BCL2L2: variants seen among roughly 807,000 people sequenced by gnomAD.
BCL2L2 encodes the protein bcl-2-like protein 2.
In BCL2L2, 6 loss-of-function variants were observed where a neutral mutation model predicts 14.6. The ratio of observed to expected loss-of-function variants is 0.41; its 90% confidence interval spans 0.22 to 0.81. BCL2L2 has a LOEUF of 0.81. Among genes scored for constraint, BCL2L2 ranks in the 30% least tolerant of loss-of-function variants. The pLI, the probability that BCL2L2 is intolerant of heterozygous loss-of-function variation, is 0.32. For missense variants in BCL2L2, 191 were observed against 260.5 expected, an observed-to-expected ratio of 0.73 and a Z score of 1.84; for synonymous variants, 90 against 108.5, an observed-to-expected ratio of 0.83 and a Z score of 1.06.
chr14:23,307,077 G>A (rs948351144), intron 1 of BCL2L2, 115 bp from the exon 2 acceptor site: 5 of 152,726 alleles, frequency 3.3e-5, no homozygotes, highest in Admixed American at 1.3e-4. Flanking sequence ...CACACAGCTG[G>A]TAGAGCGTTG....
chr14:23,308,320 T>C lies in BCL2L2; in HGVS notation c.432+121T>C. The C allele has an allele frequency of 7.4e-7, 1 of 1,343,988 alleles. No individual in the cohort carries two copies. The highest frequency in any genetic ancestry group is 1.5e-5 in the South Asian group (1 of 65,500). The allele number at this position is 1,343,988 out of a possible 1,614,324, so 83.3% of individuals were successfully genotyped here. A position where few individuals can be genotyped will look rare whatever the true frequency, so the allele number is the denominator to read the frequency against. ...GTTGGGAATGAGGTACGGGGCTGAG[T>C]CTCCCCGTCTGGATGGAATTAGATT... On this transcript the variant is annotated intron_variant, in intron 3 of 3. Coordinates refer to ENST00000250405, the MANE Select transcript of BCL2L2 (RefSeq NM_004050.5). This position sits in a 1 kb window ranked among gnomAD's most constrained non-coding sequence, Gnocchi z 5.4.
chr14:23,308,166 G>A lies in BCL2L2; in HGVS notation c.399G>A (p.Gln133=). ...QEWMVAYLET[Q]LADWIHSSGG... ...GGATGGTGGCCTACCTGGAGACGCA[G>A]CTGGCTGACTGGATCCACAGCAGTG... The change falls in exon 3 of 4, where the codon CAG becomes CAA. Residue 133 remains glutamine, a synonymous_variant. Coordinates refer to ENST00000250405, the MANE Select transcript of BCL2L2 (RefSeq NM_004050.5). This position sits in a 1 kb window ranked among gnomAD's most constrained non-coding sequence, Gnocchi z 5.4. The A allele has an allele frequency of 6.2e-7, 1 of 1,612,864 alleles. No individual in the cohort carries two copies. Among genetic ancestry groups the A allele is most frequent in the Non-Finnish European group, 8.5e-7 (1 of 1,179,668 alleles).
At chr14:23,307,660 C>T (rs1298215977) in intron 2 of BCL2L2, 100 bp from the exon 3 acceptor site, 7 of 1,452,936 alleles carry the variant, frequency 4.8e-6, no homozygotes, top group East Asian at 2.3e-5. Context: ...TGAGCATTTC[C>T]TCTCTCCTCC....
Position 23,308,185 on chromosome 14 carries a change from A to G in BCL2L2, c.418A>G (p.Ser140Gly), listed in dbSNP as rs562595128. ...LETQLADWIH[S>G]SGGWAEFTAL... ...GACGCAGCTGGCTGACTGGATCCAC[A>G]GCAGTGGGGGCTGGGTAAGAAGCTT... The change falls in exon 3 of 4, where the codon AGC becomes GGC. Residue 140 changes from serine to glycine, a missense_variant. By Grantham distance (56) the Ser-to-Gly change is moderately conservative. Transcript: ENST00000250405. This position sits in a 1 kb window ranked among gnomAD's most constrained non-coding sequence, Gnocchi z 5.4. 2.5e-6 allele frequency: 4 copies of G among 1,611,752 alleles called. No homozygotes were observed. In the African/African-American group the frequency reaches 5.3e-5, roughly 21 times the overall value.
In BCL2L2 at chr14:23,307,929, G is replaced by A; in HGVS notation, c.162G>A (p.Glu54=). 6.2e-7 allele frequency: 1 copy of A among 1,613,894 alleles called. No homozygotes were observed. Among genetic ancestry groups the A allele is most frequent in the East Asian group, 2.2e-5 (1 of 44,884 alleles). The change falls in exon 3 of 4, where the codon GAG becomes GAA. Residue 54 remains glutamate (E), a synonymous_variant. Coordinates refer to ENST00000250405, the MANE Select transcript of BCL2L2 (RefSeq NM_004050.5). ...TGCGGGCAGCTGGAGATGAGTTCGA[G>A]ACCCGCTTCCGGCGCACCTTCTCTG... ...QAMRAAGDEF[E]TRFRRTFSDL...
At position 23,308,662 on chromosome 14, in the gene BCL2L2, G is replaced by A. The variant is rs1316122189; in HGVS notation, c.433-154G>A. ...GCACCTGGGGGGATCAGAGGGGCTT[G>A]CAGGGAGAAGAGCTTTGGCCAGAGA... On this transcript the variant is annotated intron_variant, in intron 3 of 3. Transcript: ENST00000250405. The surrounding 1 kb of genome is among the most constrained non-coding windows in gnomAD (Gnocchi z 5.4). 5.9e-5 allele frequency among the ~76,000 whole-genome samples: 9 copies of A among 152,154 alleles called. No individual in the cohort carries two copies. Among genetic ancestry groups the A allele is most frequent in the Non-Finnish European group, 1.3e-4 (9 of 68,024 alleles).
Position 23,309,426 on chromosome 14 carries a change from C to CACGCGT in BCL2L2, c.*462_*467dup, listed in dbSNP as rs1302142626. 2 of 990,196 alleles carry CACGCGT rather than the reference C, an allele frequency of 2.0e-6. No homozygotes were observed. The highest frequency in any genetic ancestry group is 3.5e-5 in the African/African-American group (2 of 57,426). 61.3% of individuals were successfully genotyped at this position (990,196 alleles called of 1,614,324 possible). A position where few individuals can be genotyped will look rare whatever the true frequency, so the allele number is the denominator to read the frequency against. On this transcript the variant is annotated 3_prime_UTR_variant, in exon 4 of 4. Transcript: ENST00000250405. ...GGCTGTTAACAGTGGGCTGCTTGGA[C>CACGCGT]ACGCGTGTGCATGTGCACGCATGCT...
At position 23,307,834 on chromosome 14, in the gene BCL2L2, A is replaced by G; in HGVS notation, c.67A>G (p.Arg23Gly). The G allele has an allele frequency of 6.3e-7, 1 of 1,591,612 alleles. No individual in the cohort carries two copies. The highest frequency in any genetic ancestry group is 8.5e-7 in the Non-Finnish European group (1 of 1,169,938). The change falls in exon 3 of 4, where the codon AGG becomes GGG. Residue 23 changes from arginine (R) to glycine (G), a missense_variant. By Grantham distance (125) the Arg-to-Gly change is moderately radical. Coordinates refer to ENST00000250405, the MANE Select transcript of BCL2L2 (RefSeq NM_004050.5). The stretch of plus-strand genomic sequence containing the variant: ...GGCAGACTTTGTAGGTTATAAGCTG[A>G]GGCAGAAGGGTTATGTCTGTGGAGC... ...LVADFVGYKL[R>G]QKGYVCGAGP...
At position 23,309,311 on chromosome 14, in the gene BCL2L2, T is replaced by G; in HGVS notation, c.*346T>G. The G allele has an allele frequency of 9.3e-7, 1 of 1,079,690 alleles. No individual in the cohort carries two copies. Among genetic ancestry groups the G allele is most frequent in the Non-Finnish European group, 1.1e-6 (1 of 890,976 alleles). 66.9% of individuals were successfully genotyped at this position (1,079,690 alleles called of 1,614,324 possible). ...GAAGGTGGACTTACATAAGCAGCTG[T>G]ATTCCATTAGATGAGTGGGATTTAG... On this transcript the variant is annotated 3_prime_UTR_variant, in exon 4 of 4. Transcript: ENST00000250405.
In BCL2L2 at chr14:23,308,152, T is replaced by C; in HGVS notation, c.385T>C (p.Tyr129His). 6.2e-7 allele frequency: 1 copy of C among 1,613,570 alleles called. No individual in the cohort carries two copies. The change falls in exon 3 of 4, where the codon TAC becomes CAC. Residue 129 changes from tyrosine (Y) to histidine (H), a missense_variant. Physicochemically the swap from Tyr to His is moderately conservative, Grantham distance 83 (BLOSUM62 2). Coordinates refer to ENST00000250405, the MANE Select transcript of BCL2L2 (RefSeq NM_004050.5). The surrounding 1 kb of genome is among the most constrained non-coding windows in gnomAD (Gnocchi z 5.4). ...ACAAGTGCAGGAGTGGATGGTGGCC[T>C]ACCTGGAGACGCAGCTGGCTGACTG... The part of the protein sequence containing the change: ...VGQVQEWMVA[Y>H]LETQLADWIH...
rs1887504769 is a variant in BCL2L2 at position 23,309,903 on chromosome 14, C to T, written c.*938C>T. ...GGACCTCTGTACCCAAACTGAAACTCTAAATTGGGGCCCTAACTAATTTTC... is the reference window on the plus strand; with the variant it reads ...GGACCTCTGTACCCAAACTGAAACTTTAAATTGGGGCCCTAACTAATTTTC... On this transcript the variant is annotated 3_prime_UTR_variant, in exon 4 of 4. Transcript: ENST00000250405. The T allele has an allele frequency of 3.0e-6, 3 of 985,462 alleles. No individual in the cohort carries two copies. The South Asian group carries it at 1.4e-4, about 46-fold the overall frequency. The allele number at this position is 985,462 out of a possible 1,614,324, so 61.0% of individuals were successfully genotyped here.
rs962637719 is a variant in BCL2L2, at chr14:23,309,307, G to T, written c.*342G>T. 8.2e-6 allele frequency: 9 copies of T among 1,091,008 alleles called. No individual in the cohort carries two copies. The African/African-American group carries it at 1.5e-4, about 18-fold the overall frequency. 67.6% of individuals were successfully genotyped at this position (1,091,008 alleles called of 1,614,324 possible). A position where few individuals can be genotyped will look rare whatever the true frequency, so the allele number is the denominator to read the frequency against. On this transcript the variant is annotated 3_prime_UTR_variant, in exon 4 of 4. Coordinates refer to ENST00000250405, the MANE Select transcript of BCL2L2 (RefSeq NM_004050.5). ...TGAGGAAGGTGGACTTACATAAGCAGCTGTATTCCATTAGATGAGTGGGAT... is the reference window on the plus strand; with the variant it reads ...TGAGGAAGGTGGACTTACATAAGCATCTGTATTCCATTAGATGAGTGGGAT...
rs944763563 is a variant in BCL2L2 at position 23,309,163 on chromosome 14, A to G, written c.*198A>G. On this transcript the variant is annotated 3_prime_UTR_variant, in exon 4 of 4. Transcript: ENST00000250405. ...GTGAGCAGGACACAGAGGGGAGGGG[A>G]ATGTTTTGGCAAGTTTAGGGGCACA... 22 of 1,221,266 alleles carry G rather than the reference A, an allele frequency of 1.8e-5. No individual in the cohort carries two copies. In the African/African-American group the frequency reaches 3.1e-4, roughly 17 times the overall value. The allele number at this position is 1,221,266 out of a possible 1,614,324, so 75.7% of individuals were successfully genotyped here.
rs542057727 is a variant in BCL2L2, at chr14:23,309,523, C to T, written c.*558C>T. On this transcript the variant is annotated 3_prime_UTR_variant, in exon 4 of 4. Transcript: ENST00000250405. ...CTCAAGGAGAAAACATTCCCTCTTGCAATGGCAAGAACTAGGGGCAGTTCT... is the reference window on the plus strand; with the variant it reads ...CTCAAGGAGAAAACATTCCCTCTTGTAATGGCAAGAACTAGGGGCAGTTCT... 1.0e-6 allele frequency: 1 copy of T among 985,796 alleles called. No homozygotes were observed. The highest frequency in any genetic ancestry group is 4.7e-5 in the South Asian group (1 of 21,298). The allele number at this position is 985,796 out of a possible 1,614,324, so 61.1% of individuals were successfully genotyped here.
chr14:23,310,902 GCTGAAAAAAAGTTGGAAAACCA>G lies in BCL2L2; in HGVS notation c.*1942_*1963del. The G allele has an allele frequency of 7.8e-7, 1 of 1,288,604 alleles. No homozygotes were observed. The highest frequency in any genetic ancestry group is 1.0e-6 in the Non-Finnish European group (1 of 987,998). 79.8% of individuals were successfully genotyped at this position (1,288,604 alleles called of 1,614,324 possible). A position where few individuals can be genotyped will look rare whatever the true frequency, so the allele number is the denominator to read the frequency against. On this transcript the variant is annotated 3_prime_UTR_variant, in exon 4 of 4. Transcript: ENST00000250405. ...TTTTATTTGCATTAAGGGGTTTGCT[GCTGAAAAAAAGTTGGAAAACCA>G]CTGACTAGACCATCGGCTCCAAATT... is the stretch of plus-strand genomic sequence containing the variant.
At position 23,309,420 on chromosome 14, in the gene BCL2L2, C is replaced by A; in HGVS notation, c.*455C>A. On this transcript the variant is annotated 3_prime_UTR_variant, in exon 4 of 4. Coordinates refer to ENST00000250405, the MANE Select transcript of BCL2L2 (RefSeq NM_004050.5). ...AGAGGTGGCTGTTAACAGTGGGCTG[C>A]TTGGACACGCGTGTGCATGTGCACG... The A allele has an allele frequency of 1.0e-6, 1 of 991,202 alleles. No individual in the cohort carries two copies. The highest frequency in any genetic ancestry group is 1.2e-6 in the Non-Finnish European group (1 of 833,904). The allele number at this position is 991,202 out of a possible 1,614,324, so 61.4% of individuals were successfully genotyped here. A position where few individuals can be genotyped will look rare whatever the true frequency, so the allele number is the denominator to read the frequency against.
chr14:23,311,303 T>A lies in BCL2L2; in HGVS notation c.*2338T>A. ...CTAGAGCCATATAGTTCCTTGGGAT[T>A]AGCTCTTGGCCAAGAAGGCTGAGTA... is the stretch of plus-strand genomic sequence containing the variant. On this transcript the variant is annotated 3_prime_UTR_variant, in exon 4 of 4. Coordinates refer to ENST00000250405, the MANE Select transcript of BCL2L2 (RefSeq NM_004050.5). 1 of 1,123,904 alleles carries A rather than the reference T, an allele frequency of 8.9e-7. No individual in the cohort carries two copies. The highest frequency in any genetic ancestry group is 1.1e-6 in the Non-Finnish European group (1 of 912,052). 69.6% of individuals were successfully genotyped at this position (1,123,904 alleles called of 1,614,324 possible). A position where few individuals can be genotyped will look rare whatever the true frequency, so the allele number is the denominator to read the frequency against.
Position 23,309,058 on chromosome 14 carries a change from A to C in BCL2L2, c.*93A>C. The C allele has an allele frequency of 7.8e-7, 1 of 1,286,490 alleles. No homozygotes were observed. The highest frequency in any genetic ancestry group is 9.9e-7 in the Non-Finnish European group (1 of 1,009,418). 79.7% of individuals were successfully genotyped at this position (1,286,490 alleles called of 1,614,324 possible). A position where few individuals can be genotyped will look rare whatever the true frequency, so the allele number is the denominator to read the frequency against. On this transcript the variant is annotated 3_prime_UTR_variant, in exon 4 of 4. Transcript: ENST00000250405. ...CCCTTGGAAGAAGTGGAGTTGGTGG[A>C]TGGGTGGGCATGGAACAGGATGGGC... is the stretch of plus-strand genomic sequence containing the variant.
Position 23,308,945 on chromosome 14 carries a change from G to T in BCL2L2, c.562G>T (p.Ala188Ser). ...ACTGGGGGCCCTGGTAACTGTAGGG[G>T]CCTTTTTTGCTAGCAAGTGAAAGTC... ...VALGALVTVGAFFASK is the reference protein window; with the variant it reads ...VALGALVTVGSFFASK Residue 188 changes from alanine to serine, a missense_variant, in exon 4 of 4, where the codon GCC (alanine) becomes TCC (serine). By Grantham distance (99) the Ala-to-Ser change is moderately conservative. Transcript: ENST00000250405. This position sits in a 1 kb window ranked among gnomAD's most constrained non-coding sequence, Gnocchi z 5.4. The T allele has an allele frequency of 7.5e-7, 1 of 1,324,562 alleles. No homozygotes were observed. Among genetic ancestry groups the T allele is most frequent in the Non-Finnish European group, 9.7e-7 (1 of 1,028,660 alleles). The allele number at this position is 1,324,562 out of a possible 1,614,324, so 82.1% of individuals were successfully genotyped here. A position where few individuals can be genotyped will look rare whatever the true frequency, so the allele number is the denominator to read the frequency against.
Sources: allele counts gnomAD v4.1 joint callset (sites outside exome capture counted in the v4.1 genomes callset), GRCh38; gene constraint gnomAD v4.1.1; non-coding constraint Gnocchi (gnomAD v3.1); transcripts MANE v1.5; gene names NCBI Gene and HGNC (gene_info 2026-07-23, HGNC 2026-07-21).